GRIN2B: variants seen among roughly 807,000 people sequenced by gnomAD.
GRIN2B encodes glutamate receptor ionotropic, NMDA 2B.
Under a neutral mutation model 114.5 loss-of-function variants are expected in GRIN2B, and 5 were observed. That is an observed-to-expected ratio of 0.04 (90% CI 0.02 to 0.09). The LOEUF is 0.09. Among genes scored for constraint, GRIN2B ranks in the 10% least tolerant of loss-of-function variants. The pLI is 1.00. For missense variants in GRIN2B, 1,108 were observed against 1,943.5 expected (o/e 0.57, Z 8.08); for synonymous variants, 787 against 745.1 (o/e 1.06, Z -0.92).
At chr12:13,853,797 T>A (rs1865613195) in intron 3 of GRIN2B, among the ~76,000 whole-genome samples, 1 of 152,176 alleles carries the variant, frequency 6.6e-6, no homozygotes, top group Non-Finnish European at 1.5e-5. Flanking sequence ...TTCATTTGGG[T>A]TTAAAATACT....
chr12:13,850,166 A>G (rs1258496182), intron 3 of GRIN2B, among the ~76,000 whole-genome samples: 1 of 152,138 alleles, frequency 6.6e-6, no homozygotes, highest in Non-Finnish European at 1.5e-5. Flanking sequence ...ACTATTCAAG[A>G]AGTAAGAAGG....
At chr12:13,797,874 C>A (rs954767236) in intron 3 of GRIN2B, among the ~76,000 whole-genome samples, 3 of 152,202 alleles carry the variant, frequency 2.0e-5, no homozygotes, top group Non-Finnish European at 4.4e-5. Context: ...CCTTTCTCTA[C>A]CCACTTGCTT....
intron 3 of GRIN2B, among the ~76,000 whole-genome samples, chr12:13,864,961 A>G (rs896760141): frequency 6.6e-6 from 1 of 152,214 alleles, no homozygotes; most frequent in African/African-American, 2.4e-5. Context: ...AAATCTAAGC[A>G]TGGGGAAAAA....
intron 2 of GRIN2B, among the ~76,000 whole-genome samples, chr12:13,966,444 C>G (rs1005687906): frequency 6.6e-6 from 1 of 152,200 alleles, no homozygotes; most frequent in Non-Finnish European, 1.5e-5. Context: ...CCTAGGCTCA[C>G]TTGAAACTTT....
chr12:13,860,145 T>C (rs1865729692), intron 3 of GRIN2B, among the ~76,000 whole-genome samples: 2 of 152,060 alleles, frequency 1.3e-5, no homozygotes, highest in African/African-American at 4.8e-5. Flanking sequence ...GCCCATCTAC[T>C]CTCTCCAAAC....
At chr12:13,601,061 A>G (rs1160509870) in intron 10 of GRIN2B, among the ~76,000 whole-genome samples, 1 of 152,230 alleles carries the variant, frequency 6.6e-6, no homozygotes, top group Non-Finnish European at 1.5e-5. Context: ...GGAGACTGAC[A>G]ATGCAAATCG....
chr12:13,682,319 A>C (rs1489547521), intron 4 of GRIN2B, among the ~76,000 whole-genome samples: 4 of 148,832 alleles, frequency 2.7e-5, no homozygotes, highest in Admixed American at 1.4e-4. Flanking sequence ...TGGTTGGACA[A>C]TATAATTAGA....
At chr12:13,690,534 C>A (rs2136556972) in intron 4 of GRIN2B, among the ~76,000 whole-genome samples, 1 of 152,168 alleles carries the variant, frequency 6.6e-6, no homozygotes, top group South Asian at 2.1e-4. Context: ...TTTGGATTGA[C>A]TTCATTCTTG....
At chr12:13,672,275 T>A (rs1272899937) in intron 5 of GRIN2B, among the ~76,000 whole-genome samples, 2 of 152,096 alleles carry the variant, frequency 1.3e-5, no homozygotes, top group African/African-American at 4.8e-5. Flanking sequence ...CTATGGCTAG[T>A]TAGTGGCCTG....
chr12:13,871,215 G>C (rs889664690), intron 2 of GRIN2B, among the ~76,000 whole-genome samples: 1 of 151,950 alleles, frequency 6.6e-6, no homozygotes, highest in African/African-American at 2.4e-5. Flanking sequence ...ATATAGAACA[G>C]AGAATAGATG....
At chr12:13,945,222 C>T (rs1214122662) in intron 2 of GRIN2B, among the ~76,000 whole-genome samples, 1 of 152,198 alleles carries the variant, frequency 6.6e-6, no homozygotes, top group African/African-American at 2.4e-5. Context: ...TGCAACTAAG[C>T]ACCTGCTACT....
chr12:13,753,758 A>T lies in GRIN2B; in HGVS notation c.569T>A (p.Ile190Asn). 1 of 1,614,092 alleles carries T rather than the reference A, an allele frequency of 6.2e-7. No homozygotes were observed. Among genetic ancestry groups the T allele is most frequent in the Non-Finnish European group, 8.5e-7 (1 of 1,179,956 alleles). Residue 190 changes from isoleucine to asparagine, a missense_variant, in exon 4 of 14, where the codon ATT becomes AAT. Physicochemically the swap from Ile to Asn is moderately radical, Grantham distance 149. Around this residue, in one of 19 missense-constraint regions of GRIN2B, gnomAD observed 199 missense variants for 439.6 expected, o/e 0.45. Coordinates refer to ENST00000609686, the MANE Select transcript of GRIN2B (RefSeq NM_000834.5). The surrounding 1 kb of genome is among the most constrained non-coding windows in gnomAD (Gnocchi z 6.2). The stretch of plus-strand genomic sequence containing the variant: ...CTCCCAGCCCACAAAGCTATTCTCA[A>T]TGGTGCTGCGGATCTTGTTTACAAA... ...QDFVNKIRST[I>N]ENSFVGWELE... is the part of the protein sequence containing the mutation.
intron 3 of GRIN2B, among the ~76,000 whole-genome samples, chr12:13,811,389 G>T (rs1010824432): frequency 6.6e-6 from 1 of 152,174 alleles, no homozygotes; most frequent in Non-Finnish European, 1.5e-5. Context: ...TTAAAGACCA[G>T]CATGTGCAAC....
chr12:13,945,338 TTAAC>T (rs577443625), intron 2 of GRIN2B, among the ~76,000 whole-genome samples: 143 of 152,274 alleles, frequency 9.4e-4, no homozygotes, highest in Non-Finnish European at 1.8e-3. Context: ...TTACAATGTT[TTAAC>T]TAACCTACAC....
At chr12:13,709,718 C>T (rs1170051303) in intron 4 of GRIN2B, among the ~76,000 whole-genome samples, 2 of 151,954 alleles carry the variant, frequency 1.3e-5, no homozygotes, top group African/African-American at 4.8e-5. Flanking sequence ...AGCTCTAAAA[C>T]GAAGTCCCGG....
chr12:13,740,618 C>T (rs1408196984), intron 4 of GRIN2B, among the ~76,000 whole-genome samples: 1 of 151,948 alleles, frequency 6.6e-6, no homozygotes, highest in Non-Finnish European at 1.5e-5. Flanking sequence ...ATGGCAGAGG[C>T]CAAGGTCTTG....
intron 10 of GRIN2B, among the ~76,000 whole-genome samples, chr12:13,590,323 C>G (rs572225869): frequency 2.4e-4 from 37 of 152,186 alleles, no homozygotes; most frequent in South Asian, 1.0e-3. Flanking sequence ...CTCCACCTAT[C>G]AATTCCCCAT....
At chr12:13,805,365 T>C (rs1864583182) in intron 3 of GRIN2B, among the ~76,000 whole-genome samples, 1 of 152,308 alleles carries the variant, frequency 6.6e-6, no homozygotes, top group South Asian at 2.1e-4. Context: ...AACAAAGTTA[T>C]ATCTAGAAAA....
At chr12:13,566,131 C>A (rs953870866) in intron 13 of GRIN2B, among the ~76,000 whole-genome samples, 5 of 152,030 alleles carry the variant, frequency 3.3e-5, no homozygotes, top group African/African-American at 1.2e-4. Flanking sequence ...AACTCACAGC[C>A]AGAAAGGACA....
Sources: gnomAD v4.1 joint callset for allele counts (sites outside exome capture counted in the v4.1 genomes callset) on GRCh38, gnomAD v4.1.1 for gene constraint, gnomAD v4.1.1 regional missense constraint, Gnocchi (gnomAD v3.1) non-coding constraint, MANE v1.5 for transcripts, NCBI Gene and HGNC (gene_info 2026-07-23, HGNC 2026-07-21) for gene names.